The following INO80 variants were observed in gnomAD, a reference collection of about 807,000 sequenced individuals.
The protein encoded by INO80 is INO80 complex ATPase subunit.
INO80 carries 20 observed loss-of-function variants against 203.4 expected under a neutral mutation model. That is an observed-to-expected ratio of 0.10 (90% confidence interval 0.07 to 0.14). The LOEUF is 0.14. INO80 is among the 10% of genes least tolerant of loss of function. The pLI is 1.00. For missense variants in INO80, 1,419 were observed against 1,914.4 expected (o/e 0.74, Z 4.83); for synonymous variants, 726 against 685.2 (o/e 1.06, Z -0.93).
At chr15:41,024,830 T>C (rs964731823) in intron 25 of INO80, among the ~76,000 whole-genome samples, 1 of 152,192 alleles carries the variant, frequency 6.6e-6, no homozygotes, top group Non-Finnish European at 1.5e-5. Context: ...AGGACATCAG[T>C]TTCTCTCTCC....
rs776861954 is a variant in INO80 at position 41,016,094 on chromosome 15, T to C, written c.3396A>G (p.Leu1132=). The C allele has an allele frequency of 1.9e-6, 3 of 1,612,518 alleles. No individual in the cohort carries two copies. Among genetic ancestry groups the C allele is most frequent in the South Asian group, 2.2e-5 (2 of 90,884 alleles). ...CCAAGATTCCCTCTCCTACCTCCAG[T>C]AGGTCTATCATCCTGGTCATCTGGG... ...IYSQMTRMID[L]LEEYMVYRKH... The change falls in exon 27 of 36, where the codon CTA becomes CTG. Residue 1132 remains leucine (L), a synonymous_variant. Coordinates refer to ENST00000648947, the MANE Select transcript of INO80 (RefSeq NM_017553.3).
At chr15:41,015,946 A>G (rs1270870496) in intron 27 of INO80, 142 bp downstream of exon 27, 3 of 314,660 alleles carry the variant, frequency 9.5e-6, no homozygotes, top group African/African-American at 4.5e-5. Flanking sequence ...CTCTGTCTCA[A>G]AAAAAAAAAA....
intron 29 of INO80, 100 bp from the exon 30 acceptor site, chr15:40,988,074 G>T: frequency 1.0e-6 from 1 of 971,176 alleles, no homozygotes. Flanking sequence ...GGCGTCAGTA[G>T]GGTCTGATTC....
rs2044494129 is a variant in INO80, at chr15:41,032,063, GACAGCACAGGACAGC to G, written c.2908-4342_2908-4328del. On this transcript the variant is annotated intron_variant, in intron 24 of 35. Transcript: ENST00000648947. Reference sequence around the variant, plus strand: ...CACAGCACAGCACAGCACAGCACAGGACAGCACAGGACAGCACAGCACAGCACAGCACAGCACAGC... The same window carrying G: ...CACAGCACAGCACAGCACAGCACAGGACAGCACAGCACAGCACAGCACAGC... Among the ~76,000 whole-genome samples the G allele has an allele frequency of 1.2e-4, 7 of 58,986 alleles. 1 individual carries two copies. Among genetic ancestry groups the G allele is most frequent in the African/African-American group, 1.7e-4 (3 of 17,378 alleles). 38.7% of individuals were successfully genotyped at this position (58,986 alleles called of 152,430 possible). A position where few individuals can be genotyped will look rare whatever the true frequency, so the allele number is the denominator to read the frequency against.
intron 4 of INO80, among the ~76,000 whole-genome samples, chr15:41,095,200 G>A (rs2045704089): frequency 6.6e-6 from 1 of 152,162 alleles, no homozygotes; most frequent in Admixed American, 6.6e-5. Context: ...AATTAGCTGG[G>A]CGTGGTGGCG....
At chr15:41,023,892 A>C (rs1018130899) in intron 25 of INO80, among the ~76,000 whole-genome samples, 2 of 150,734 alleles carry the variant, frequency 1.3e-5, no homozygotes, top group African/African-American at 4.9e-5. Flanking sequence ...TTATTTATTT[A>C]TTTATTTTGT....
At chr15:40,989,673 C>T (rs1332462775) in intron 29 of INO80, among the ~76,000 whole-genome samples, 2 of 152,210 alleles carry the variant, frequency 1.3e-5, no homozygotes, top group Non-Finnish European at 2.9e-5. Context: ...CTCCAGCTCT[C>T]TGCCAGTTAC....
intron 12 of INO80, among the ~76,000 whole-genome samples, chr15:41,071,174 G>A (rs1158421425): frequency 1.3e-5 from 2 of 152,136 alleles, no homozygotes; most frequent in Non-Finnish European, 2.9e-5. Flanking sequence ...GTCTCAAAAA[G>A]AAAGAGAAAC....
rs943305215 is a variant in INO80 at position 41,115,906 on chromosome 15, A to G, written c.-44+67T>C. 16 of 378,434 alleles carry G rather than the reference A, an allele frequency of 4.2e-5. No homozygotes were observed. In the East Asian group the frequency reaches 6.1e-4, roughly 14 times the overall value. The allele number at this position is 378,434 out of a possible 1,614,324, so 23.4% of individuals were successfully genotyped here. ...AAGACGCGGCCCAGTTGTCGCCCGC[A>G]GAGAGGGGCGCAACAAGACCTACAC... On this transcript the variant is annotated intron_variant, in intron 1 of 35. Coordinates refer to ENST00000648947, the MANE Select transcript of INO80 (RefSeq NM_017553.3).
intron 25 of INO80, among the ~76,000 whole-genome samples, chr15:41,021,412 T>C (rs1410700114): frequency 1.3e-5 from 2 of 152,358 alleles, no homozygotes; most frequent in East Asian, 3.9e-4. Context: ...CTCTATTATA[T>C]GCATATATAT....
At chr15:41,099,880 A>G (rs954758965) in intron 1 of INO80, among the ~76,000 whole-genome samples, 1 of 152,132 alleles carries the variant, frequency 6.6e-6, no homozygotes, top group Non-Finnish European at 1.5e-5. Flanking sequence ...AAATACAACA[A>G]AACTCCCTTA....
intron 28 of INO80, chr15:41,005,200 C>CAAA (rs66849866): frequency 0.056 from 4,045 of 72,464 alleles, 13 homozygotes; most frequent in Non-Finnish European, 0.072. Flanking sequence ...CTCACACACA[C>CAAA]AAAAAAAAAA....
chr15:40,992,523 A>G (rs1566902218), intron 29 of INO80, among the ~76,000 whole-genome samples: 1 of 152,204 alleles, frequency 6.6e-6, no homozygotes, highest in Non-Finnish European at 1.5e-5. Context: ...TTTTAGGTTG[A>G]TTAATCTCTT....
chr15:41,017,127 T>C (rs1164589007), intron 26 of INO80: 2 of 152,218 alleles, frequency 1.3e-5, no homozygotes, highest in Non-Finnish European at 2.9e-5. Flanking sequence ...TGAGTTTCTC[T>C]GCAGTGAAGC....
At chr15:41,045,162 A>G (rs1354409636) in intron 23 of INO80, 87 bp from the exon 24 acceptor site, 1 of 948,972 alleles carries the variant, frequency 1.1e-6, no homozygotes, top group African/African-American at 1.7e-5. Context: ...TCTCTCATTA[A>G]CATAACTCTT....
chr15:40,987,114 T>C lies in INO80; in HGVS notation c.3809A>G (p.Asp1270Gly). 6.2e-7 allele frequency: 1 copy of C among 1,610,984 alleles called. No homozygotes were observed. The highest frequency in any genetic ancestry group is 8.5e-7 in the Non-Finnish European group (1 of 1,177,114). The stretch of plus-strand genomic sequence containing the variant: ...ACGTTTCTTCTCCAACTCTTCGTCG[T>C]CTAGAAGAAGACTAACCACCTCTTT... Reference protein sequence around the residue: ...KPKEVVSLLLDDEELEKKLRL... With the variant: ...KPKEVVSLLLGDEELEKKLRL... Residue 1270 changes from aspartate (D) to glycine (G), a missense_variant, in exon 31 of 36, where the codon GAC (aspartate) becomes GGC (glycine). Transcript: ENST00000648947.
At position 41,080,911 on chromosome 15, in the gene INO80, G is replaced by A; in HGVS notation, c.927+109C>T. 2.6e-5 allele frequency: 19 copies of A among 734,882 alleles called. No individual in the cohort carries two copies. The South Asian group carries it at 3.0e-4, about 12-fold the overall frequency. 45.5% of individuals were successfully genotyped at this position (734,882 alleles called of 1,614,324 possible). A position where few individuals can be genotyped will look rare whatever the true frequency, so the allele number is the denominator to read the frequency against. ...TCAGAAACTCTCTTACGAACTATTAGATTCATGATCAACAGGTTACGACGG... is the reference window on the plus strand; with the variant it reads ...TCAGAAACTCTCTTACGAACTATTAAATTCATGATCAACAGGTTACGACGG... On this transcript the variant is annotated intron_variant, in intron 8 of 35. Coordinates refer to ENST00000648947, the MANE Select transcript of INO80 (RefSeq NM_017553.3).
At chr15:41,069,545 A>T in intron 14 of INO80, 25 bp downstream of exon 14, 1 of 1,273,666 alleles carries the variant, frequency 7.9e-7, no homozygotes, top group Non-Finnish European at 1.1e-6. Context: ...AGAGCAATAG[A>T]TGTTTTGGTT....
chr15:41,069,027 T>C (rs2947496), intron 14 of INO80, among the ~76,000 whole-genome samples: 17,700 of 152,264 alleles, frequency 0.12, 3,192 homozygotes, highest in African/African-American at 0.39. Context: ...CCGTGGCAGT[T>C]TGACCACGAG....
Sources: gnomAD v4.1 joint callset for allele counts (sites outside exome capture counted in the v4.1 genomes callset) on GRCh38, gnomAD v4.1.1 for gene constraint, MANE v1.5 for transcripts, NCBI Gene and HGNC (gene_info 2026-07-23, HGNC 2026-07-21) for gene names.